AK9: variants seen among roughly 807,000 people sequenced by gnomAD.
AK9 encodes adenylate kinase domain containing 1.
Under a neutral mutation model 239.6 loss-of-function variants are expected in AK9, and 191 were observed. The observed-to-expected ratio is 0.80, with a 90% CI of 0.71 to 0.90. The LOEUF (loss-of-function observed/expected upper bound fraction) is 0.90, where lower values mean the gene tolerates loss of function less well. AK9 is among the 40% of genes least tolerant of loss of function. The pLI, the probability that AK9 is intolerant of heterozygous loss-of-function variation, is 0.00. For synonymous variants in AK9, 689 were observed against 721.0 expected (o/e 0.96, Z 0.71); for missense variants, 1,995 against 2,214.7 (o/e 0.90, Z 1.99).
chr6:109,688,148 T>G (rs1359473536), intron 1 of AK9, among the ~76,000 whole-genome samples: 1 of 152,220 alleles, frequency 6.6e-6, no homozygotes, highest in Non-Finnish European at 1.5e-5. Context: ...CCTGTTCATA[T>G]TAAGCCCTCA....
intron 35 of AK9, among the ~76,000 whole-genome samples, chr6:109,504,866 GA>G (rs1286212612): frequency 6.6e-6 from 1 of 152,176 alleles, no homozygotes; most frequent in Non-Finnish European, 1.5e-5. Flanking sequence ...CTCTACGCCT[GA>G]AAGTACTTTC....
intron 17 of AK9, among the ~76,000 whole-genome samples, chr6:109,593,060 TTTTC>T (rs913861440): frequency 2.8e-4 from 43 of 152,242 alleles, no homozygotes; most frequent in Non-Finnish European, 4.0e-4. Context: ...ACTTTATTAC[TTTTC>T]TTTCTTTATT....
chr6:109,579,751 T>C (rs772555988), intron 19 of AK9, 125 bp from the exon 20 acceptor site: 14 of 817,378 alleles, frequency 1.7e-5, no homozygotes, highest in East Asian at 3.0e-5. Context: ...TTACAATGTA[T>C]ATTTTTAAAT....
chr6:109,641,357 T>C (rs1583381321), intron 10 of AK9, among the ~76,000 whole-genome samples, 161 bp downstream of exon 10: 1 of 144,800 alleles, frequency 6.9e-6, no homozygotes. Context: ...TTCTTTTTTT[T>C]TTTTTTTTTT....
At chr6:109,632,893 A>AGATAT in intron 12 of AK9, 30 bp downstream of exon 12, 1 of 1,600,058 alleles carries the variant, frequency 6.2e-7, no homozygotes, top group South Asian at 1.1e-5. Flanking sequence ...ATAGATAGAT[A>AGATAT]GATAGATAGA....
chr6:109,656,501 A>G (rs912800828), intron 8 of AK9, among the ~76,000 whole-genome samples: 2 of 152,212 alleles, frequency 1.3e-5, no homozygotes, highest in African/African-American at 4.8e-5. Flanking sequence ...CCATAAAGGA[A>G]TTTCCTCACT....
chr6:109,637,536 T>G (rs193297321), intron 10 of AK9, among the ~76,000 whole-genome samples: 12 of 152,262 alleles, frequency 7.9e-5, no homozygotes, highest in African/African-American at 2.9e-4. Flanking sequence ...AAAGTTTTTT[T>G]GTATTTTTCT....
At chr6:109,623,639 G>A (rs778008082) in intron 12 of AK9, among the ~76,000 whole-genome samples, 1 of 152,118 alleles carries the variant, frequency 6.6e-6, no homozygotes, top group Admixed American at 6.6e-5. Flanking sequence ...GATCATAAAC[G>A]CTTATTGTTG....
intron 12 of AK9, 131 bp downstream of exon 12, chr6:109,632,792 G>A: frequency 7.3e-7 from 1 of 1,368,766 alleles, no homozygotes; most frequent in South Asian, 1.7e-5. Flanking sequence ...ATTAAAACAT[G>A]AAATTTTAAA....
chr6:109,564,695 C>A, intron 22 of AK9, 61 bp downstream of exon 22: 1 of 1,329,742 alleles, frequency 7.5e-7, no homozygotes, highest in Non-Finnish European at 1.0e-6. Flanking sequence ...ATTAGGGACC[C>A]TTTGTAAGAA....
At chr6:109,527,369 C>G (rs12332821) in intron 29 of AK9, among the ~76,000 whole-genome samples, 1 of 152,228 alleles carries the variant, frequency 6.6e-6, no homozygotes, top group South Asian at 2.1e-4. Flanking sequence ...CCCAGTTAGT[C>G]TGAAAAAGGC....
At chr6:109,680,637 C>T (rs1304212097) in intron 1 of AK9, among the ~76,000 whole-genome samples, 4 of 152,026 alleles carry the variant, frequency 2.6e-5, no homozygotes, top group Non-Finnish European at 4.4e-5. Context: ...AAGAGCAACC[C>T]CAAGACACAT....
intron 29 of AK9, among the ~76,000 whole-genome samples, chr6:109,521,607 A>G (rs1457288966): frequency 6.6e-6 from 1 of 152,120 alleles, no homozygotes. Context: ...AAAAATTAAA[A>G]GTAAGCAAAC....
At chr6:109,659,101 C>G in intron 7 of AK9, 127 bp downstream of exon 7, 1 of 1,270,304 alleles carries the variant, frequency 7.9e-7, no homozygotes, top group Admixed American at 3.0e-5. Flanking sequence ...TTATTTCCTC[C>G]AAACTCAATA....
At chr6:109,604,014 G>T (rs1426071620) in intron 17 of AK9, among the ~76,000 whole-genome samples, 1 of 152,166 alleles carries the variant, frequency 6.6e-6, no homozygotes, top group Non-Finnish European at 1.5e-5. Context: ...GACCCCTTTT[G>T]CTTCCCAGGT....
intron 8 of AK9, among the ~76,000 whole-genome samples, chr6:109,649,649 G>A (rs957158822): frequency 6.6e-6 from 1 of 152,104 alleles, no homozygotes; most frequent in Non-Finnish European, 1.5e-5. Context: ...CGTGAAAATG[G>A]CCATACTGCC....
intron 28 of AK9, among the ~76,000 whole-genome samples, chr6:109,531,995 C>T (rs554243400): frequency 1.6e-4 from 24 of 152,122 alleles, no homozygotes; most frequent in African/African-American, 5.8e-4. Flanking sequence ...TCTGGCTAAC[C>T]CCAAGATGAA....
At chr6:109,530,667 T>G (rs1582863747) in intron 28 of AK9, among the ~76,000 whole-genome samples, 2 of 152,346 alleles carry the variant, frequency 1.3e-5, no homozygotes, top group East Asian at 3.9e-4. Flanking sequence ...ATCTCCCAGA[T>G]GGCAGCACTG....
chr6:109,547,831 CA>C (rs1783774838), intron 25 of AK9, among the ~76,000 whole-genome samples: 1 of 116,382 alleles, frequency 8.6e-6, no homozygotes, highest in Non-Finnish European at 1.7e-5. Context: ...ATAAAGAACT[CA>C]AACAGCTCAG....
Sources: allele counts gnomAD v4.1 joint callset (sites outside exome capture counted in the v4.1 genomes callset), GRCh38; gene constraint gnomAD v4.1.1; transcripts MANE v1.5; gene names NCBI Gene and HGNC (gene_info 2026-07-23, HGNC 2026-07-21).